Variants in PDE3A observed in about 807,000 individuals in gnomAD.
The protein encoded by PDE3A is cGMP-inhibited 3',5'-cyclic phosphodiesterase 3A.
A neutral mutation model predicts 98.3 loss-of-function variants in PDE3A; 43 were observed. That is an observed-to-expected ratio of 0.44 (90% CI 0.34 to 0.56). The LOEUF is 0.56. PDE3A is among the 20% of genes least tolerant of loss of function. The pLI, the probability that PDE3A is intolerant of heterozygous loss-of-function variation, is 0.01. For missense variants in PDE3A, 1,427 were observed against 1,440.7 expected (o/e 0.99, Z 0.15); for synonymous variants, 663 against 567.9 (o/e 1.17, Z -2.38).
At chr12:20,465,639 G>A (rs1224552306) in intron 1 of PDE3A, among the ~76,000 whole-genome samples, 2 of 152,250 alleles carry the variant, frequency 1.3e-5, no homozygotes, top group South Asian at 2.1e-4. Context: ...TGGAACTCCT[G>A]ACCCCGTAAT....
At chr12:20,600,593 G>A (rs1943571067) in intron 2 of PDE3A, among the ~76,000 whole-genome samples, 1 of 152,066 alleles carries the variant, frequency 6.6e-6, no homozygotes, top group African/African-American at 2.4e-5. Flanking sequence ...TCCTTTTCCA[G>A]AAAACACACC....
intron 1 of PDE3A, among the ~76,000 whole-genome samples, chr12:20,523,275 C>G (rs892490279): frequency 6.6e-6 from 1 of 152,148 alleles, no homozygotes. Context: ...GGCTTCTTGC[C>G]ATACAGGTAA....
At chr12:20,443,479 G>A (rs1314090374) in intron 1 of PDE3A, among the ~76,000 whole-genome samples, 1 of 152,020 alleles carries the variant, frequency 6.6e-6, no homozygotes, top group Non-Finnish European at 1.5e-5. Context: ...GTGTGACTGA[G>A]GATACAGACA....
At chr12:20,663,464 C>G (rs1052900500) in intron 15 of PDE3A, among the ~76,000 whole-genome samples, 2 of 142,472 alleles carry the variant, frequency 1.4e-5, no homozygotes, top group Admixed American at 7.0e-5. Context: ...GTGCTGTACC[C>G]TGCAAAGCCA....
At chr12:20,547,433 A>C (rs1338648111) in intron 1 of PDE3A, among the ~76,000 whole-genome samples, 1 of 152,190 alleles carries the variant, frequency 6.6e-6, no homozygotes, top group African/African-American at 2.4e-5. Flanking sequence ...TGCATACAAT[A>C]CATATTTACT....
intron 1 of PDE3A, among the ~76,000 whole-genome samples, chr12:20,443,178 G>C (rs546022486): frequency 6.6e-6 from 1 of 152,012 alleles, no homozygotes; most frequent in Non-Finnish European, 1.5e-5. Flanking sequence ...AGCAGTAACT[G>C]CTGGTTTTTA....
intron 2 of PDE3A, among the ~76,000 whole-genome samples, chr12:20,568,802 C>T (rs933605433): frequency 1.3e-5 from 2 of 151,660 alleles, no homozygotes; most frequent in Non-Finnish European, 2.9e-5. Flanking sequence ...ATTTATTTTA[C>T]TATGTTTGAC....
chr12:20,556,581 A>T (rs1818815199), intron 1 of PDE3A, 79 bp from the exon 2 acceptor site: 3 of 913,454 alleles, frequency 3.3e-6, no homozygotes, highest in Admixed American at 3.7e-5. Flanking sequence ...GAACAACCTG[A>T]TTATTCTTTA....
chr12:20,517,103 T>C (rs1282303160), intron 1 of PDE3A, among the ~76,000 whole-genome samples: 1 of 152,208 alleles, frequency 6.6e-6, no homozygotes, highest in Non-Finnish European at 1.5e-5. Flanking sequence ...CAGAAATGTG[T>C]TCTTCTATTT....
intron 2 of PDE3A, among the ~76,000 whole-genome samples, chr12:20,592,244 A>G (rs1036634840): frequency 6.6e-6 from 1 of 152,144 alleles, no homozygotes; most frequent in African/African-American, 2.4e-5. Context: ...TTAAAAGCAT[A>G]TGGAATGCCA....
rs570864757 is a variant in PDE3A at position 20,393,215 on chromosome 12, G to T, written c.960+22971G>T. ...TTTACAAAAGAAAGAGGTTTAATTG[G>T]ACTTACAGTTCCACATGGCTGGGGA... On this transcript the variant is annotated intron_variant, in intron 1 of 15. Transcript: ENST00000359062. Among the ~76,000 whole-genome samples the T allele has an allele frequency of 4.8e-4, 73 of 152,046 alleles. 1 individual carries two copies. Among genetic ancestry groups the T allele is most frequent in the Middle Eastern group, 3.4e-3 (1 of 294 alleles).
At chr12:20,473,759 T>C (rs1017825456) in intron 1 of PDE3A, among the ~76,000 whole-genome samples, 2 of 152,080 alleles carry the variant, frequency 1.3e-5, no homozygotes, top group Non-Finnish European at 2.9e-5. Flanking sequence ...CTTTGACTCA[T>C]TTTTTTCATT....
chr12:20,532,774 C>T (rs907276469), intron 1 of PDE3A, among the ~76,000 whole-genome samples: 3 of 151,220 alleles, frequency 2.0e-5, no homozygotes, highest in East Asian at 1.9e-4. Flanking sequence ...CTGCAAGCTC[C>T]GCCTCCCGGG....
chr12:20,484,326 A>G (rs1378763820), intron 1 of PDE3A, among the ~76,000 whole-genome samples: 1 of 152,200 alleles, frequency 6.6e-6, no homozygotes, highest in East Asian at 1.9e-4. Flanking sequence ...TAATTTTTAT[A>G]TAAGGTTTTT....
intron 1 of PDE3A, among the ~76,000 whole-genome samples, chr12:20,538,266 G>T (rs1021896097): frequency 1.3e-5 from 2 of 152,042 alleles, no homozygotes; most frequent in African/African-American, 4.8e-5. Context: ...AGGATGTTGG[G>T]GTGGAGGGAA....
chr12:20,477,456 C>A (rs1310236999), intron 1 of PDE3A, among the ~76,000 whole-genome samples: 2 of 152,102 alleles, frequency 1.3e-5, no homozygotes, highest in Non-Finnish European at 2.9e-5. Flanking sequence ...CAATAATGAA[C>A]CCCTGCTCTG....
In PDE3A at chr12:20,519,932, T is replaced by C. The variant is rs566887080; in HGVS notation, c.961-36728T>C. The stretch of plus-strand genomic sequence containing the variant: ...GCTAAGGGACATCATCTCACATCGG[T>C]TTTCTCCATACTCCTCCAACGTAGA... On this transcript the variant is annotated intron_variant, in intron 1 of 15. Transcript: ENST00000359062. Among the ~76,000 whole-genome samples, 5 of 152,214 alleles carry C rather than the reference T, an allele frequency of 3.3e-5. 1 individual carries two copies. In the South Asian group the frequency reaches 1.0e-3, roughly 32 times the overall value.
intron 1 of PDE3A, among the ~76,000 whole-genome samples, chr12:20,545,704 G>C (rs544548804): frequency 3.3e-5 from 5 of 151,468 alleles, no homozygotes; most frequent in African/African-American, 4.8e-5. Flanking sequence ...AGGAAAAGCT[G>C]GGGCCAGTAT....
At position 20,684,868 on chromosome 12, in the gene PDE3A, TAAATTG is replaced by T. The variant is rs1206866269; in HGVS notation, c.*4599_*4604del. Among the ~76,000 whole-genome samples the T allele has an allele frequency of 1.3e-5, 2 of 152,216 alleles. No individual in the cohort carries two copies. Among genetic ancestry groups the T allele is most frequent in the African/African-American group, 4.8e-5 (2 of 41,444 alleles). Reference sequence around the variant, plus strand: ...GTTGAGCTAAAAACTATACATAACTTAAATTGAGATTTGCATACGTATTTGTGTGTT... The same window carrying T: ...GTTGAGCTAAAAACTATACATAACTTAGATTTGCATACGTATTTGTGTGTT... On this transcript the variant is annotated 3_prime_UTR_variant, in exon 16 of 16. Coordinates refer to ENST00000359062, the MANE Select transcript of PDE3A (RefSeq NM_000921.5).
Sources: allele counts gnomAD v4.1 joint callset (sites outside exome capture counted in the v4.1 genomes callset), GRCh38; gene constraint gnomAD v4.1.1; transcripts MANE v1.5; gene names NCBI Gene and HGNC (gene_info 2026-07-23, HGNC 2026-07-21).